Variants in NCKAP5 observed in about 807,000 individuals in gnomAD.
NCKAP5 encodes the protein NCK associated protein 5, also known as nck-associated protein 5.
A neutral mutation model predicts 167.0 loss-of-function variants in NCKAP5; 92 were observed. The ratio of observed to expected loss-of-function variants is 0.55; its 90% CI spans 0.47 to 0.66. The LOEUF is 0.66. Ranked by LOEUF, NCKAP5 falls within the 30% of genes least tolerant of loss-of-function variation. The pLI is 0.00. For synonymous variants in NCKAP5, 891 were observed against 877.4 expected (o/e 1.02, Z -0.27); for missense variants, 2,378 against 2,315.0 (o/e 1.03, Z -0.56).
the NCKAP5 span, among the ~76,000 whole-genome samples, chr2:133,640,942 AC>A: frequency 6.6e-6 from 1 of 152,116 alleles, no homozygotes; most frequent in Non-Finnish European, 1.5e-5. Flanking sequence ...AACACTTTTT[AC>A]CCCATATGCA....
intron 19 of NCKAP5, among the ~76,000 whole-genome samples, chr2:132,719,779 G>A (rs1689732137): frequency 1.3e-5 from 2 of 152,350 alleles, no homozygotes; most frequent in South Asian, 4.2e-4. Flanking sequence ...TGGACGATGA[G>A]AGCGGGAGAG....
At chr2:133,272,708 A>T (rs2089567779) in intron 4 of NCKAP5, among the ~76,000 whole-genome samples, 1 of 152,182 alleles carries the variant, frequency 6.6e-6, no homozygotes, top group Non-Finnish European at 1.5e-5. Flanking sequence ...ACCTATTAAC[A>T]TTCACTCCTC....
intron 2 of NCKAP5, among the ~76,000 whole-genome samples, chr2:133,518,054 A>G (rs187408568): frequency 7.2e-4 from 110 of 152,354 alleles, no homozygotes; most frequent in African/African-American, 2.6e-3. Flanking sequence ...AATTTAAAAA[A>G]TATGTAATTT....
rs1688537401 is a variant in NCKAP5, at chr2:133,407,882, C to T, written c.70-104772G>A. On this transcript the variant is annotated intron_variant, in intron 3 of 19. Coordinates refer to ENST00000409261, the MANE Select transcript of NCKAP5 (RefSeq NM_207363.3). ...TTAGGAAGGAGGTCGATAAAGGGGA[C>T]CAAGGTTAGCCAGCAGTAGAACAGA... is the stretch of plus-strand genomic sequence containing the variant. 2.6e-5 allele frequency among the ~76,000 whole-genome samples: 4 copies of T among 152,178 alleles called. No individual in the cohort carries two copies. The South Asian group carries it at 8.3e-4, about 32-fold the overall frequency.
intron 16 of NCKAP5, among the ~76,000 whole-genome samples, chr2:132,772,835 C>A (rs1352732096): frequency 6.6e-6 from 1 of 152,194 alleles, no homozygotes; most frequent in Non-Finnish European, 1.5e-5. Flanking sequence ...TTGCACAAGA[C>A]CGCTGAGTAT....
chr2:133,286,121 C>T (rs1679108148), intron 4 of NCKAP5, among the ~76,000 whole-genome samples: 1 of 151,864 alleles, frequency 6.6e-6, no homozygotes, highest in African/African-American at 2.4e-5. Context: ...TCAGTCTCCT[C>T]AGCAGCTGGG....
At chr2:132,849,605 G>T (rs182006713) in intron 11 of NCKAP5, among the ~76,000 whole-genome samples, 29 of 152,280 alleles carry the variant, frequency 1.9e-4, no homozygotes, top group African/African-American at 6.7e-4. Flanking sequence ...CTCACAAGAC[G>T]AGAAAGGAAA....
chr2:132,769,770 A>G (rs542457177), intron 16 of NCKAP5, among the ~76,000 whole-genome samples: 132 of 152,272 alleles, frequency 8.7e-4, no homozygotes, highest in Non-Finnish European at 1.7e-3. Context: ...TTTCTCATCA[A>G]TGTTGCATAA....
chr2:133,171,701 A>T (rs1013663520), intron 5 of NCKAP5, among the ~76,000 whole-genome samples: 1 of 152,220 alleles, frequency 6.6e-6, no homozygotes, highest in African/African-American at 2.4e-5. Flanking sequence ...TCAACACAAT[A>T]CCACTAACAA....
At position 133,005,199 on chromosome 2, in the gene NCKAP5, T is replaced by C. The variant is rs145568885; in HGVS notation, c.342-10960A>G. Among the ~76,000 whole-genome samples, 321 of 152,326 alleles carry C rather than the reference T, an allele frequency of 2.1e-3. 6 individuals carry two copies. The East Asian group carries it at 0.032, about 15-fold the overall frequency. Reference sequence around the variant, plus strand: ...GATTAAAGACAGGCATAGGAAATTATAAGAGTATTGATTGGGGAAGTGATA... The same window carrying C: ...GATTAAAGACAGGCATAGGAAATTACAAGAGTATTGATTGGGGAAGTGATA... On this transcript the variant is annotated intron_variant, in intron 6 of 19. Transcript: ENST00000409261.
intron 19 of NCKAP5, among the ~76,000 whole-genome samples, chr2:132,686,503 G>C (rs1408415462): frequency 6.6e-6 from 1 of 152,158 alleles, no homozygotes; most frequent in Non-Finnish European, 1.5e-5. Context: ...CCATAGCTCA[G>C]TCTCCCTTGT....
chr2:133,133,894 TTG>T (rs1317188032), intron 5 of NCKAP5, among the ~76,000 whole-genome samples: 2 of 152,202 alleles, frequency 1.3e-5, no homozygotes, highest in Non-Finnish European at 2.9e-5. Flanking sequence ...GGAGCTAGAA[TTG>T]AGTTTTTCTG....
At chr2:133,522,179 C>T (rs1684532879) in intron 2 of NCKAP5, among the ~76,000 whole-genome samples, 1 of 152,182 alleles carries the variant, frequency 6.6e-6, no homozygotes, top group Non-Finnish European at 1.5e-5. Flanking sequence ...ACAGCATCAA[C>T]AGCAGGTGAC....
At chr2:132,899,880 A>G (rs1574565967) in intron 8 of NCKAP5, among the ~76,000 whole-genome samples, 1 of 152,152 alleles carries the variant, frequency 6.6e-6, no homozygotes, top group African/African-American at 2.4e-5. Context: ...ATCTCAAACA[A>G]ACAAACAAAC....
At chr2:133,363,301 G>A (rs552980360) in intron 3 of NCKAP5, among the ~76,000 whole-genome samples, 1 of 152,182 alleles carries the variant, frequency 6.6e-6, no homozygotes, top group East Asian at 1.9e-4. Flanking sequence ...GTAAATAAAT[G>A]TTGGAATACA....
At chr2:132,987,630 T>A (rs1046687462) in intron 7 of NCKAP5, among the ~76,000 whole-genome samples, 3 of 152,146 alleles carry the variant, frequency 2.0e-5, no homozygotes, top group Non-Finnish European at 4.4e-5. Flanking sequence ...AGAATAGAGC[T>A]GGGCCCAGAA....
chr2:132,936,377 T>C (rs983708595), intron 8 of NCKAP5, among the ~76,000 whole-genome samples: 1 of 152,214 alleles, frequency 6.6e-6, no homozygotes, highest in Non-Finnish European at 1.5e-5. Flanking sequence ...TATGGTACAT[T>C]TCCTGAATGA....
intron 3 of NCKAP5, among the ~76,000 whole-genome samples, chr2:133,312,777 G>T (rs371034633): frequency 6.6e-6 from 1 of 152,248 alleles, no homozygotes; most frequent in East Asian, 1.9e-4. Flanking sequence ...TGTACACCTA[G>T]CCTATGCTAC....
At chr2:132,728,639 A>AC (rs1400447686) in intron 18 of NCKAP5, among the ~76,000 whole-genome samples, 177 bp downstream of exon 18, 1 of 152,164 alleles carries the variant, frequency 6.6e-6, no homozygotes, top group Non-Finnish European at 1.5e-5. Flanking sequence ...CCAAGAACCC[A>AC]CAGTATTCCT....
Sources: allele counts gnomAD v4.1 joint callset (sites outside exome capture counted in the v4.1 genomes callset), GRCh38; gene constraint gnomAD v4.1.1; transcripts MANE v1.5; gene names NCBI Gene and HGNC (gene_info 2026-07-23, HGNC 2026-07-21).